Variants in KCNK13 observed in about 807,000 individuals in gnomAD.
KCNK13 encodes the protein potassium two pore domain channel subfamily K member 13.
KCNK13 carries 12 observed loss-of-function variants against 23.4 expected under a neutral mutation model. The ratio of observed to expected loss-of-function variants is 0.51; its 90% CI spans 0.33 to 0.83. The LOEUF is 0.83. KCNK13 is among the 40% of genes least tolerant of loss of function. The probability of loss-of-function intolerance (pLI) is 0.02; values close to 1 mark genes in which losing one functional copy is unlikely to be tolerated. For synonymous variants in KCNK13, 231 were observed against 229.5 expected (o/e 1.01, Z -0.06); for missense variants, 463 against 556.3 (o/e 0.83, Z 1.69).
chr14:90,073,578 G>C (rs1456379940), intron 1 of KCNK13, among the ~76,000 whole-genome samples: 1 of 152,202 alleles, frequency 6.6e-6, no homozygotes, highest in African/African-American at 2.4e-5. Context: ...TGTGGTTTTC[G>C]AACTGTGCTC....
rs142004315 is a variant in KCNK13, at chr14:90,107,634, ACAACTGAGGATT to A, written c.334+45097_334+45108del. 963 of 620,476 alleles carry A rather than the reference ACAACTGAGGATT, an allele frequency of 1.6e-3. 7 individuals carry two copies. In the African/African-American group the frequency reaches 0.016, roughly 10 times the overall value. 38.4% of individuals were successfully genotyped at this position (620,476 alleles called of 1,614,324 possible). The stretch of plus-strand genomic sequence containing the variant: ...TTGGCTCAATACTCATGCAATACCT[ACAACTGAGGATT>A]CTTCCCAGGGGGACCGCAGCCTGTC... On this transcript the variant is annotated intron_variant, in intron 1 of 1. Coordinates refer to ENST00000282146, the MANE Select transcript of KCNK13 (RefSeq NM_022054.4).
intron 1 of KCNK13, among the ~76,000 whole-genome samples, chr14:90,132,192 A>G (rs1203413575): frequency 2.0e-4 from 31 of 152,382 alleles, no homozygotes; most frequent in Non-Finnish European, 1.5e-5. Flanking sequence ...GAAAGGACAA[A>G]GAGTGTGTAA....
rs531232731 is a variant in KCNK13, at chr14:90,169,545, G to T, written c.335-14566G>T. Among the ~76,000 whole-genome samples, 9 of 152,282 alleles carry T rather than the reference G, an allele frequency of 5.9e-5. No individual in the cohort carries two copies. The South Asian group carries it at 1.9e-3, about 32-fold the overall frequency. The stretch of plus-strand genomic sequence containing the variant: ...ACATGAGAAACGAGGATTTCCCAGA[G>T]GAAGTCAGCTTTGATGGGGAACCCC... On this transcript the variant is annotated intron_variant, in intron 1 of 1. Transcript: ENST00000282146.
chr14:90,063,391 C>G (rs1888969475), intron 1 of KCNK13, among the ~76,000 whole-genome samples: 1 of 152,080 alleles, frequency 6.6e-6, no homozygotes, highest in Non-Finnish European at 1.5e-5. Flanking sequence ...GTTTATTTCC[C>G]AGCAGAAGGA....
intron 1 of KCNK13, among the ~76,000 whole-genome samples, chr14:90,081,497 A>C (rs1333531034): frequency 6.6e-6 from 1 of 152,204 alleles, no homozygotes. Context: ...GGTCCTTCAC[A>C]CATATATGTG....
intron 1 of KCNK13, among the ~76,000 whole-genome samples, chr14:90,147,218 G>A (rs1019752640): frequency 2.6e-5 from 4 of 152,094 alleles, no homozygotes; most frequent in Non-Finnish European, 5.9e-5. Context: ...ATAGTCAGAT[G>A]TGGAAGTCCT....
intron 1 of KCNK13, among the ~76,000 whole-genome samples, chr14:90,172,420 G>A (rs1270254442): frequency 3.3e-5 from 5 of 152,016 alleles, no homozygotes; most frequent in African/African-American, 9.7e-5. Context: ...CCTCGAGGGC[G>A]AGGTGACCGA....
chr14:90,078,984 AG>A (rs1391225921), intron 1 of KCNK13, among the ~76,000 whole-genome samples: 2 of 152,224 alleles, frequency 1.3e-5, no homozygotes, highest in Non-Finnish European at 2.9e-5. Context: ...GAAAGCACAC[AG>A]GGTTTTACTC....
intron 1 of KCNK13, among the ~76,000 whole-genome samples, chr14:90,169,407 G>A (rs1310963293): frequency 6.6e-6 from 1 of 152,104 alleles, no homozygotes; most frequent in Non-Finnish European, 1.5e-5. Flanking sequence ...AGAAACTATC[G>A]TCTCACTACT....
chr14:90,179,180 C>T (rs1890457762), intron 1 of KCNK13, among the ~76,000 whole-genome samples: 1 of 151,312 alleles, frequency 6.6e-6, no homozygotes, highest in Non-Finnish European at 1.5e-5. Flanking sequence ...CTTTACAATA[C>T]ACCAGCAAAT....
In KCNK13 at chr14:90,092,912, C is replaced by CAAAAA. The variant is rs34122207; in HGVS notation, c.334+30391_334+30395dup. 8.3e-4 allele frequency among the ~76,000 whole-genome samples: 65 copies of CAAAAA among 78,302 alleles called. 2 individuals are homozygous for CAAAAA. The highest frequency in any genetic ancestry group is 2.8e-3 in the African/African-American group (60 of 21,218). 51.4% of individuals were successfully genotyped at this position (78,302 alleles called of 152,430 possible). On this transcript the variant is annotated intron_variant, in intron 1 of 1. Coordinates refer to ENST00000282146, the MANE Select transcript of KCNK13 (RefSeq NM_022054.4). ...GGATGACAGAGTGAGACCCTGTCTCCAAAAAAAAAAAAAAAAAAAAAAGCA... is the reference window on the plus strand; with the variant it reads ...GGATGACAGAGTGAGACCCTGTCTCCAAAAAAAAAAAAAAAAAAAAAAAAAAAGCA...
intron 1 of KCNK13, among the ~76,000 whole-genome samples, chr14:90,137,584 G>T (rs1243438814): frequency 2.0e-5 from 3 of 152,128 alleles, no homozygotes; most frequent in Admixed American, 6.5e-5. Flanking sequence ...GCCTCCCAAA[G>T]TGCTAGGATT....
chr14:90,152,346 A>G (rs113670473), intron 1 of KCNK13, among the ~76,000 whole-genome samples: 2,851 of 152,092 alleles, frequency 0.019, 40 homozygotes, highest in Middle Eastern at 0.027. Flanking sequence ...GACCAGCCTG[A>G]CCAACATGGT....
chr14:90,165,550 A>G (rs948064587), intron 1 of KCNK13, among the ~76,000 whole-genome samples: 2 of 152,224 alleles, frequency 1.3e-5, no homozygotes, highest in East Asian at 1.9e-4. Context: ...GGCACCTTTC[A>G]TCGGTTACAT....
intron 1 of KCNK13, among the ~76,000 whole-genome samples, chr14:90,092,077 A>G (rs1265996333): frequency 6.6e-6 from 1 of 151,764 alleles, no homozygotes; most frequent in African/African-American, 2.4e-5. Context: ...GCCCGCCACC[A>G]CACCTGGCTA....
At chr14:90,106,955 AG>A (rs1401636596) in intron 1 of KCNK13, among the ~76,000 whole-genome samples, 6 of 152,288 alleles carry the variant, frequency 3.9e-5, no homozygotes, top group African/African-American at 1.4e-4. Context: ...CGGGAGGCAG[AG>A]GTTGCAGTGA....
chr14:90,176,627 A>T (rs1292156820), intron 1 of KCNK13, among the ~76,000 whole-genome samples: 1 of 152,216 alleles, frequency 6.6e-6, no homozygotes, highest in Non-Finnish European at 1.5e-5. Context: ...TCCTCGGAGT[A>T]TTGAGAAGAA....
In KCNK13 at chr14:90,062,611, C is replaced by G. The variant is rs1009545759; in HGVS notation, c.334+72C>G. ...CTTCCTCCGGGGGGCAGGACCGACC[C>G]TCTCATCCTTTCATTCATCCATCTG... On this transcript the variant is annotated intron_variant, in intron 1 of 1. Coordinates refer to ENST00000282146, the MANE Select transcript of KCNK13 (RefSeq NM_022054.4). The surrounding 1 kb of genome is among the most constrained non-coding windows in gnomAD (Gnocchi z 4.5). The G allele has an allele frequency of 7.7e-5, 91 of 1,185,560 alleles. No homozygotes were observed. The highest frequency in any genetic ancestry group is 6.6e-4 in the South Asian group (37 of 56,308). The allele number at this position is 1,185,560 out of a possible 1,614,324, so 73.4% of individuals were successfully genotyped here.
chr14:90,139,043 C>T (rs2140426887), intron 1 of KCNK13, among the ~76,000 whole-genome samples: 1 of 152,282 alleles, frequency 6.6e-6, no homozygotes, highest in Non-Finnish European at 1.5e-5. Flanking sequence ...CAGTGGGGCT[C>T]AGAAGGCTCT....
Sources: allele counts gnomAD v4.1 joint callset (sites outside exome capture counted in the v4.1 genomes callset), GRCh38; gene constraint gnomAD v4.1.1; non-coding constraint Gnocchi (gnomAD v3.1); transcripts MANE v1.5; gene names NCBI Gene and HGNC (gene_info 2026-07-23, HGNC 2026-07-21).